Variants in FBN2 observed in about 807,000 individuals in gnomAD.
FBN2 encodes fibrillin-2.
Under a neutral mutation model 355.6 loss-of-function variants are expected in FBN2, and 105 were observed. The ratio of observed to expected loss-of-function variants is 0.30; its 90% CI spans 0.25 to 0.35. FBN2 has a LOEUF of 0.35. Among genes scored for constraint, FBN2 ranks in the 10% least tolerant of loss-of-function variants. The pLI, the probability that FBN2 is intolerant of heterozygous loss-of-function variation, is 1.00. For missense variants in FBN2, 3,280 were observed against 3,758.7 expected, an observed-to-expected ratio of 0.87 and a Z score of 3.33; for synonymous variants, 1,350 against 1,301.2, an observed-to-expected ratio of 1.04 and a Z score of -0.81.
At chr5:128,520,301 A>G (rs1198944242) in intron 4 of FBN2, among the ~76,000 whole-genome samples, 4 of 152,214 alleles carry the variant, frequency 2.6e-5, no homozygotes, top group South Asian at 4.1e-4. Flanking sequence ...CCCATGATCC[A>G]TAATGAAGAC....
At chr5:128,364,948 G>T (rs1347267124) in intron 17 of FBN2, among the ~76,000 whole-genome samples, 1 of 152,064 alleles carries the variant, frequency 6.6e-6, no homozygotes, top group African/African-American at 2.4e-5. Context: ...AATGAAAGAC[G>T]CTGGCAGAAA....
At chr5:128,337,882 C>T (rs1290457205) in intron 27 of FBN2, 115 bp downstream of exon 27, 3 of 1,158,620 alleles carry the variant, frequency 2.6e-6, no homozygotes, top group Admixed American at 1.9e-5. Context: ...TCTCAATTTC[C>T]ACCTTTTAAT....
At chr5:128,289,315 G>A in intron 51 of FBN2, 63 bp from the exon 52 acceptor site, 2 of 1,569,244 alleles carry the variant, frequency 1.3e-6, no homozygotes, top group Admixed American at 3.3e-5. Flanking sequence ...AGGCGCAGTG[G>A]CTCATGCTTA....
chr5:128,349,517 A>G (rs1280377680), intron 22 of FBN2, 45 bp from the exon 23 acceptor site: 1 of 1,606,272 alleles, frequency 6.2e-7, no homozygotes, highest in South Asian at 1.1e-5. Context: ...TGTTACAAAT[A>G]GAAAAAGCAG....
At chr5:128,454,476 T>C (rs1306156219) in intron 6 of FBN2, among the ~76,000 whole-genome samples, 1 of 152,256 alleles carries the variant, frequency 6.6e-6, no homozygotes, top group Non-Finnish European at 1.5e-5. Flanking sequence ...TGGCTGTAAC[T>C]ATCTTTAATA....
At chr5:128,467,838 G>A (rs1754753891) in intron 5 of FBN2, among the ~76,000 whole-genome samples, 2 of 152,130 alleles carry the variant, frequency 1.3e-5, no homozygotes, top group Admixed American at 1.3e-4. Flanking sequence ...ATATCTAAGT[G>A]CAACATGGCG....
chr5:128,291,821 G>T (rs1045796063), intron 48 of FBN2, among the ~76,000 whole-genome samples, 167 bp from the exon 49 acceptor site: 2 of 152,170 alleles, frequency 1.3e-5, no homozygotes, highest in Admixed American at 1.3e-4. Flanking sequence ...GTCAAAAGTT[G>T]TAATTTCAAC....
At position 128,335,305 on chromosome 5, in the gene FBN2, C is replaced by A. The variant is rs140017238; in HGVS notation, c.3848-10G>T. On this transcript the variant is annotated splice_polypyrimidine_tract_variant and intron_variant, in intron 29 of 64. Coordinates refer to ENST00000262464, the MANE Select transcript of FBN2 (RefSeq NM_001999.4). ...TCACATTCATCAATGTCTGATGATA[C>A]AAAATTAGCATCAAATGAAAATAAA... 1,396 of 1,613,876 alleles carry A rather than the reference C, an allele frequency of 8.6e-4. 12 individuals carry two copies. In the African/African-American group the frequency reaches 0.016, roughly 19 times the overall value.
intron 48 of FBN2, among the ~76,000 whole-genome samples, chr5:128,296,612 A>G (rs572011333): frequency 0.046 from 6,967 of 151,874 alleles, 533 homozygotes; most frequent in African/African-American, 0.16. Flanking sequence ...TAGATTTTCT[A>G]GTTTATTTGT....
At chr5:128,311,225 G>A (rs1750048139) in intron 39 of FBN2, 75 bp downstream of exon 39, 1 of 1,511,370 alleles carries the variant, frequency 6.6e-7, no homozygotes. Context: ...TGTGAGGATG[G>A]GCCTTTCCCT....
At chr5:128,321,197 A>G (rs1750361775) in intron 34 of FBN2, among the ~76,000 whole-genome samples, 1 of 152,204 alleles carries the variant, frequency 6.6e-6, no homozygotes, top group Non-Finnish European at 1.5e-5. Flanking sequence ...TATCTTTACA[A>G]TTAATATTAA....
intron 5 of FBN2, among the ~76,000 whole-genome samples, chr5:128,508,421 T>C (rs1180961826): frequency 1.3e-5 from 2 of 151,992 alleles, no homozygotes; most frequent in Non-Finnish European, 2.9e-5. Flanking sequence ...CTCTGTATTT[T>C]TAGTGCTTAC....
chr5:128,283,423 G>C (rs979709256), intron 55 of FBN2, among the ~76,000 whole-genome samples: 1 of 152,116 alleles, frequency 6.6e-6, no homozygotes, highest in African/African-American at 2.4e-5. Flanking sequence ...ACAACTCTAT[G>C]TTACTCTACA....
intron 31 of FBN2, among the ~76,000 whole-genome samples, chr5:128,333,901 A>T (rs1213044905): frequency 6.6e-6 from 1 of 151,332 alleles, no homozygotes; most frequent in Non-Finnish European, 1.5e-5. Flanking sequence ...CAACCCTGTC[A>T]GTGGTGAACA....
rs907753650 is a variant in FBN2, at chr5:128,483,734, T to TG, written c.629-18814dup. ...GAGTTGTCTGGTTGGCAATCAGGGGTGGGGGGTGGCATGTCAAGGAATTTT... is the reference window on the plus strand; with the variant it reads ...GAGTTGTCTGGTTGGCAATCAGGGGTGGGGGGGTGGCATGTCAAGGAATTTT... On this transcript the variant is annotated intron_variant, in intron 5 of 64. Transcript: ENST00000262464. 2.7e-5 allele frequency among the ~76,000 whole-genome samples: 4 copies of TG among 150,268 alleles called. 1 individual carries two copies. Among genetic ancestry groups the TG allele is most frequent in the South Asian group, 4.2e-4 (2 of 4,716 alleles).
rs189260965 is a variant in FBN2 at position 128,502,983 on chromosome 5, C to T, written c.628+16290G>A. 6.2e-4 allele frequency among the ~76,000 whole-genome samples: 94 copies of T among 152,274 alleles called. No individual in the cohort carries two copies. In the South Asian group the frequency reaches 8.5e-3, roughly 14 times the overall value. ...TTTTTCTAGTTACATTTCCTGACTT[C>T]CCAGCTGATGTGGTTTGGCCATTCC... On this transcript the variant is annotated intron_variant, in intron 5 of 64. Coordinates refer to ENST00000262464, the MANE Select transcript of FBN2 (RefSeq NM_001999.4).
At position 128,368,028 on chromosome 5, in the gene FBN2, A is replaced by AT. The variant is rs527514579; in HGVS notation, c.2248+1153dup. On this transcript the variant is annotated intron_variant, in intron 16 of 64. Coordinates refer to ENST00000262464, the MANE Select transcript of FBN2 (RefSeq NM_001999.4). Reference sequence around the variant, plus strand: ...TCCTCCATATGGAAAGTTCTTACTCATTTTTTTCAAGACCAAACTAAACGT... The same window carrying AT: ...TCCTCCATATGGAAAGTTCTTACTCATTTTTTTTCAAGACCAAACTAAACGT... Among the ~76,000 whole-genome samples the AT allele has an allele frequency of 4.9e-3, 747 of 151,906 alleles. 5 individuals are homozygous for AT. The highest frequency in any genetic ancestry group is 8.7e-3 in the Non-Finnish European group (593 of 67,938).
chr5:128,312,801 G>A lies in FBN2; in HGVS notation c.4718-6C>T, dbSNP rs753649359. The A allele has an allele frequency of 5.6e-6, 9 of 1,613,436 alleles. No individual in the cohort carries two copies. Among genetic ancestry groups the A allele is most frequent in the Non-Finnish European group, 7.6e-6 (9 of 1,179,988 alleles). ...GCAGTTGCCCACACGGTTGTCTGCA[G>A]AGCAACAAAGGAGCTTACAGTTGCC... On this transcript the variant is annotated splice_polypyrimidine_tract_variant and splice_region_variant and intron_variant, in intron 36 of 64. Coordinates refer to ENST00000262464, the MANE Select transcript of FBN2 (RefSeq NM_001999.4).
At chr5:128,280,424 T>A in intron 55 of FBN2, 107 bp from the exon 56 acceptor site, 1 of 819,286 alleles carries the variant, frequency 1.2e-6, no homozygotes, top group Non-Finnish European at 2.0e-6. Flanking sequence ...GCCAAAATAC[T>A]AATATGATGA....
Sources: allele counts gnomAD v4.1 joint callset (sites outside exome capture counted in the v4.1 genomes callset), GRCh38; gene constraint gnomAD v4.1.1; transcripts MANE v1.5; gene names NCBI Gene and HGNC (gene_info 2026-07-23, HGNC 2026-07-21).